The following ZNF540 variants were observed in gnomAD, a reference collection of about 807,000 sequenced individuals.
ZNF540 encodes zinc finger protein 540, also known as CTD-3064H18.6.
ZNF540 carries 3 observed loss-of-function variants against 11.8 expected under a neutral mutation model. That is an observed-to-expected ratio of 0.25 (90% CI 0.12 to 0.65). ZNF540 has a LOEUF of 0.65. ZNF540 is among the 30% of genes least tolerant of loss of function. The pLI, the probability that ZNF540 is intolerant of heterozygous loss-of-function variation, is 0.83. For synonymous variants in ZNF540, 247 were observed against 259.0 expected (o/e 0.95, Z 0.45); for missense variants, 709 against 793.1 (o/e 0.89, Z 1.27).
intron 3 of ZNF540, among the ~76,000 whole-genome samples, 162 bp from the exon 4 acceptor site, chr19:37,600,848 C>T (rs890847888): frequency 3.3e-5 from 5 of 152,118 alleles, no homozygotes; most frequent in African/African-American, 1.2e-4. Context: ...TCTCTGGGAT[C>T]CTGAGGTTAC....
In ZNF540 at chr19:37,613,752, C is replaced by T. The variant is rs1362777694; in HGVS notation, c.*489C>T. 2.5e-6 allele frequency: 1 copy of T among 398,664 alleles called. No homozygotes were observed. Among genetic ancestry groups the T allele is most frequent in the Admixed American group, 4.4e-5 (1 of 22,748 alleles). 24.7% of individuals were successfully genotyped at this position (398,664 alleles called of 1,614,324 possible). A position where few individuals can be genotyped will look rare whatever the true frequency, so the allele number is the denominator to read the frequency against. ...ATTTGGAAAAACCACTCATCACTTA[C>T]ATTTCATGAAGTACTTCTTTGATAA... On this transcript the variant is annotated 3_prime_UTR_variant, in exon 5 of 5. Transcript: ENST00000316433.
chr19:37,570,623 A>G (rs906429173), intron 1 of ZNF540, among the ~76,000 whole-genome samples: 94 of 152,320 alleles, frequency 6.2e-4, no homozygotes, highest in African/African-American at 2.3e-3. Flanking sequence ...AGAAAACCAA[A>G]CAGAATGATT....
chr19:37,609,480 G>A (rs1568368569), intron 4 of ZNF540, among the ~76,000 whole-genome samples: 1 of 152,096 alleles, frequency 6.6e-6, no homozygotes, highest in African/African-American at 2.4e-5. Flanking sequence ...GGGAGGCAGC[G>A]GTTGCAGTGA....
intron 4 of ZNF540, among the ~76,000 whole-genome samples, chr19:37,610,834 A>T (rs2044122295): frequency 6.6e-6 from 1 of 152,204 alleles, no homozygotes; most frequent in South Asian, 2.1e-4. Context: ...GATCTATATC[A>T]GAATCATCTA....
chr19:37,612,750 T>C lies in ZNF540; in HGVS notation c.1470T>C (p.Thr490=). The C allele has an allele frequency of 6.2e-7, 1 of 1,614,088 alleles. No homozygotes were observed. The highest frequency in any genetic ancestry group is 8.5e-7 in the Non-Finnish European group (1 of 1,179,988). Residue 490 remains threonine, a synonymous_variant, in exon 5 of 5, where the codon ACT becomes ACC. Coordinates refer to ENST00000316433, the MANE Select transcript of ZNF540 (RefSeq NM_001172225.3). ...SQISLHKKIH[T]DVKPYKCVRC... ...TTAGTCTACATAAGAAAATTCATAC[T>C]GATGTGAAGCCCTACAAATGTGTAC...
intron 1 of ZNF540, among the ~76,000 whole-genome samples, chr19:37,556,842 C>A (rs1481329360): frequency 6.6e-6 from 1 of 152,182 alleles, no homozygotes; most frequent in East Asian, 1.9e-4. Flanking sequence ...CCAATTTACA[C>A]AAGTTTCTAA....
At chr19:37,579,699 A>C (rs1221148159) in intron 1 of ZNF540, among the ~76,000 whole-genome samples, 1 of 152,178 alleles carries the variant, frequency 6.6e-6, no homozygotes, top group African/African-American at 2.4e-5. Flanking sequence ...ATTTTATTAC[A>C]GTTATAAAGC....
intron 1 of ZNF540, chr19:37,595,387 G>T (rs2043981243): frequency 6.6e-6 from 1 of 152,082 alleles, no homozygotes; most frequent in African/African-American, 2.4e-5. Context: ...CTTTGAGGGT[G>T]ACTGATGTCT....
At chr19:37,552,084 G>C (rs1171196281) in intron 1 of ZNF540, among the ~76,000 whole-genome samples, 1 of 152,080 alleles carries the variant, frequency 6.6e-6, no homozygotes, top group East Asian at 1.9e-4. Context: ...TGCTGCTTTA[G>C]TTGCATTCCA....
At chr19:37,573,856 GAAAA>G (rs1366599618) in intron 1 of ZNF540, among the ~76,000 whole-genome samples, 1 of 150,478 alleles carries the variant, frequency 6.6e-6, no homozygotes, top group African/African-American at 2.4e-5. Context: ...GAAAGAAAAA[GAAAA>G]AAGAAAATAA....
intron 1 of ZNF540, among the ~76,000 whole-genome samples, chr19:37,568,723 T>TGAATAATAAATAAAAAA (rs1327245813): frequency 1.3e-5 from 2 of 152,112 alleles, no homozygotes; most frequent in Non-Finnish European, 2.9e-5. Flanking sequence ...TTCAATTAAG[T>TGAATAATAAATAAAAAA]AGCAGCTCTT....
intron 1 of ZNF540, chr19:37,586,544 G>A (rs975734095): frequency 1.9e-6 from 2 of 1,049,798 alleles, no homozygotes; most frequent in Admixed American, 2.0e-5. Context: ...TCGCTAGAAT[G>A]GGAGACGTTT....
rs5827983 is a variant in ZNF540 at position 37,568,317 on chromosome 19, A to ACCC, written c.-73+16659_-73+16661dup. Among the ~76,000 whole-genome samples, 281 of 142,306 alleles carry ACCC rather than the reference A, an allele frequency of 2.0e-3. 1 individual carries two copies. Among genetic ancestry groups the ACCC allele is most frequent in the African/African-American group, 6.4e-3 (244 of 38,118 alleles). The allele number at this position is 142,306 out of a possible 152,430, so 93.4% of individuals were successfully genotyped here. ...AGAAATGATAAAAACAAAAGCAACT[A>ACCC]CCCCCCCCCACTTGCCATATACACA... On this transcript the variant is annotated intron_variant, in intron 1 of 4. Coordinates refer to the ZNF540 transcript ENST00000592533.
chr19:37,564,523 G>A (rs1319524696), intron 1 of ZNF540: 5 of 1,348,858 alleles, frequency 3.7e-6, no homozygotes, highest in Non-Finnish European at 3.9e-6. Context: ...CTGAGCAGAA[G>A]CAAGATGTTC....
At chr19:37,557,389 T>G (rs1479269090) in intron 1 of ZNF540, among the ~76,000 whole-genome samples, 8 of 152,218 alleles carry the variant, frequency 5.3e-5, no homozygotes, top group Admixed American at 5.2e-4. Flanking sequence ...TCCATGTACA[T>G]GCACCGTAGC....
chr19:37,604,570 G>A (rs529059674), intron 4 of ZNF540, among the ~76,000 whole-genome samples: 32 of 151,992 alleles, frequency 2.1e-4, no homozygotes, highest in Non-Finnish European at 3.7e-4. Context: ...GCCTCCCAAA[G>A]TGCTGGGATT....
intron 1 of ZNF540, among the ~76,000 whole-genome samples, chr19:37,561,776 CT>C (rs2147142443): frequency 6.6e-6 from 1 of 152,334 alleles, no homozygotes; most frequent in South Asian, 2.1e-4. Context: ...ACCTAACAGT[CT>C]ACTGACATTT....
chr19:37,556,218 C>T (rs2042658223), intron 1 of ZNF540: 2 of 654,764 alleles, frequency 3.1e-6, no homozygotes, highest in South Asian at 1.7e-5. Flanking sequence ...GGTACTGGCC[C>T]TCCAAGTGGT....
At chr19:37,558,913 C>T (rs1187240666) in intron 1 of ZNF540, among the ~76,000 whole-genome samples, 1 of 152,124 alleles carries the variant, frequency 6.6e-6, no homozygotes, top group Non-Finnish European at 1.5e-5. Flanking sequence ...GGCATGATCA[C>T]AGCTCACTGC....
Sources: allele counts gnomAD v4.1 joint callset (sites outside exome capture counted in the v4.1 genomes callset), GRCh38; gene constraint gnomAD v4.1.1; transcripts MANE v1.5; gene names NCBI Gene and HGNC (gene_info 2026-07-23, HGNC 2026-07-21).